Variants in PCDHGA10 observed in about 807,000 individuals in gnomAD.
PCDHGA10 encodes protocadherin gamma-A10.
In PCDHGA10, 42 loss-of-function variants were observed where a neutral mutation model predicts 59.5. The ratio of observed to expected loss-of-function variants is 0.71; its 90% CI spans 0.55 to 0.91. PCDHGA10 has a LOEUF of 0.91. PCDHGA10 is among the 40% of genes least tolerant of loss of function. The pLI is 0.00. For synonymous variants in PCDHGA10, 511 were observed against 517.2 expected, an observed-to-expected ratio of 0.99 and a Z score of 0.16; for missense variants, 1,111 against 1,198.2, an observed-to-expected ratio of 0.93 and a Z score of 1.07.
chr5:141,478,767 C>T (rs953695562), intron 1 of PCDHGA10: 44 of 1,500,650 alleles, frequency 2.9e-5, no homozygotes, highest in Non-Finnish European at 3.9e-5. Context: ...ATACTTGACT[C>T]ATCTGTGGAC....
chr5:141,431,748 G>A lies in PCDHGA10; in HGVS notation c.2436+16137G>A, dbSNP rs759671844. On this transcript the variant is annotated intron_variant, in intron 1 of 3. Coordinates refer to ENST00000398610, the MANE Select transcript of PCDHGA10 (RefSeq NM_018913.3). This position sits in a 1 kb window ranked among gnomAD's most constrained non-coding sequence, Gnocchi z 4.8. ...ATGGATAATGCAGGATATTCTGCGC[G>A]AGCCAAAGTCCTGATCACTGTTCTG... 4 of 1,614,078 alleles carry A rather than the reference G, an allele frequency of 2.5e-6. No individual in the cohort carries two copies. Among genetic ancestry groups the A allele is most frequent in the African/African-American group, 1.3e-5 (1 of 74,934 alleles).
Position 141,413,845 on chromosome 5 carries a change from C to G in PCDHGA10, c.670C>G (p.Pro224Ala). Residue 224 changes from proline (P) to alanine (A), a missense_variant, in exon 1 of 4, where the codon CCT becomes GCT. Transcript: ENST00000398610. ...CCTCACCGCCTCCGACGGGGGTGAC[C>G]CTCTCCGATCTGGCACTGTCCTTGT... ...LVLTASDGGD[P>A]LRSGTVLVSV... 1 of 1,613,242 alleles carries G rather than the reference C, an allele frequency of 6.2e-7. No individual in the cohort carries two copies.
At chr5:141,475,315 A>G (rs766425496) in intron 1 of PCDHGA10, among the ~76,000 whole-genome samples, 2 of 152,182 alleles carry the variant, frequency 1.3e-5, no homozygotes, top group Non-Finnish European at 2.9e-5. Flanking sequence ...CCTGGTTCTT[A>G]AGAAATGAGA....
rs537850909 is a variant in PCDHGA10 at position 141,441,865 on chromosome 5, G to A, written c.2436+26254G>A. ...CTTGGATATGGTGCTGCACGCCGCG[G>A]AGCCTGGCTACCTGGTCACCAAGGT... On this transcript the variant is annotated intron_variant, in intron 1 of 3. Coordinates refer to ENST00000398610, the MANE Select transcript of PCDHGA10 (RefSeq NM_018913.3). The A allele has an allele frequency of 4.0e-4, 138 of 345,718 alleles. 1 individual carries two copies. The Admixed American group carries it at 4.6e-3, about 12-fold the overall frequency. The allele number at this position is 345,718 out of a possible 1,614,324, so 21.4% of individuals were successfully genotyped here. A position where few individuals can be genotyped will look rare whatever the true frequency, so the allele number is the denominator to read the frequency against.
chr5:141,457,270 T>C (rs1338894991), intron 1 of PCDHGA10, among the ~76,000 whole-genome samples: 2 of 152,234 alleles, frequency 1.3e-5, no homozygotes. Flanking sequence ...TTCCCCTCTG[T>C]GGGCCTACGA....
Position 141,510,985 on chromosome 5 carries a change from G to A in PCDHGA10, c.2623G>A (p.Gly875Ser), listed in dbSNP as rs1278517639. Residue 875 changes from glycine to serine, a missense_variant, in exon 4 of 4, where the codon GGC becomes AGC. Transcript: ENST00000398610. ...DGSSTLGGGA[G>S]TMGLSARYGP... ...GAGCTCCACCCTGGGAGGGGGTGCCGGCACCATGGGATTGAGCGCCCGCTA... is the reference window on the plus strand; with the variant it reads ...GAGCTCCACCCTGGGAGGGGGTGCCAGCACCATGGGATTGAGCGCCCGCTA... 19 of 1,614,090 alleles carry A rather than the reference G, an allele frequency of 1.2e-5. No individual in the cohort carries two copies. The highest frequency in any genetic ancestry group is 2.2e-5 in the East Asian group (1 of 44,880).
intron 1 of PCDHGA10, chr5:141,423,243 C>G (rs2096724455): frequency 6.2e-7 from 1 of 1,613,842 alleles, no homozygotes. Flanking sequence ...TCCCCGAAGT[C>G]CTGGCGGACC....
At chr5:141,459,930 T>C (rs1385764489) in intron 1 of PCDHGA10, among the ~76,000 whole-genome samples, 1 of 152,176 alleles carries the variant, frequency 6.6e-6, no homozygotes, top group East Asian at 1.9e-4. Context: ...TATATCCTTG[T>C]AGCTGGGCGT....
rs1561856520 is a variant in PCDHGA10 at position 141,431,983 on chromosome 5, A to C, written c.2436+16372A>C. 3.1e-6 allele frequency: 5 copies of C among 1,614,242 alleles called. No homozygotes were observed. Among genetic ancestry groups the C allele is most frequent in the Non-Finnish European group, 4.2e-6 (5 of 1,180,036 alleles). ...ATTACTATAGTTTAGTCACAGACAT[A>C]GTCTTGGATAGGGAACAGGTTCCTA... On this transcript the variant is annotated intron_variant, in intron 1 of 3. Coordinates refer to ENST00000398610, the MANE Select transcript of PCDHGA10 (RefSeq NM_018913.3). The surrounding 1 kb of genome is among the most constrained non-coding windows in gnomAD (Gnocchi z 4.8).
In PCDHGA10 at chr5:141,512,223, C is replaced by G. The variant is rs1321595614; in HGVS notation, c.*1050C>G. 6.5e-6 allele frequency: 1 copy of G among 152,728 alleles called. No individual in the cohort carries two copies. The highest frequency in any genetic ancestry group is 1.5e-5 in the Non-Finnish European group (1 of 68,110). 9.5% of individuals were successfully genotyped at this position (152,728 alleles called of 1,614,324 possible). ...CTCGAAGCAGGTTTAGGACCAGGTC[C>G]CCTTGAGAGGTCAGAGGGGCCTCTG... On this transcript the variant is annotated 3_prime_UTR_variant, in exon 4 of 4. Transcript: ENST00000398610.
At chr5:141,458,080 C>T (rs62379190) in intron 1 of PCDHGA10, among the ~76,000 whole-genome samples, 5,138 of 152,230 alleles carry the variant, frequency 0.034, 100 homozygotes, top group Middle Eastern at 0.088. Flanking sequence ...ACTATATTGC[C>T]GTAAGTTAAG....
chr5:141,494,677 TGCCCCCTCTTA>T, intron 1 of PCDHGA10, 119 bp from the exon 2 acceptor site: 5 of 1,552,906 alleles, frequency 3.2e-6, no homozygotes, highest in Non-Finnish European at 4.4e-6. Flanking sequence ...AGTCCACCCC[TGCCCCCTCTTA>T]GTCCGTTTTC....
At chr5:141,483,757 C>T (rs895694800) in intron 1 of PCDHGA10, among the ~76,000 whole-genome samples, 1 of 151,984 alleles carries the variant, frequency 6.6e-6, no homozygotes, top group Non-Finnish European at 1.5e-5. Flanking sequence ...AGGATCGAGG[C>T]TTGGAAAAAT....
intron 1 of PCDHGA10, among the ~76,000 whole-genome samples, chr5:141,430,411 C>T (rs879587751): frequency 3.3e-5 from 5 of 150,942 alleles, no homozygotes; most frequent in African/African-American, 1.2e-4. Flanking sequence ...ACTAAAGTTT[C>T]TATTAAAGCG....
At position 141,433,251 on chromosome 5, in the gene PCDHGA10, C is replaced by T. The variant is rs1022165468; in HGVS notation, c.2436+17640C>T. The T allele has an allele frequency of 1.1e-5, 16 of 1,423,126 alleles. No homozygotes were observed. In the East Asian group the frequency reaches 3.7e-4, roughly 33 times the overall value. 88.2% of individuals were successfully genotyped at this position (1,423,126 alleles called of 1,614,324 possible). A position where few individuals can be genotyped will look rare whatever the true frequency, so the allele number is the denominator to read the frequency against. ...CTCTGTCTCCCAAGCTGGAATGCAGCGGTACGATCATAGCTCACTGCAGCC... is the reference window on the plus strand; with the variant it reads ...CTCTGTCTCCCAAGCTGGAATGCAGTGGTACGATCATAGCTCACTGCAGCC... On this transcript the variant is annotated intron_variant, in intron 1 of 3. Transcript: ENST00000398610.
At chr5:141,498,954 A>G (rs1180380627) in intron 2 of PCDHGA10, among the ~76,000 whole-genome samples, 2 of 134,538 alleles carry the variant, frequency 1.5e-5, no homozygotes, top group Non-Finnish European at 3.2e-5. Context: ...AGAAAAAGAG[A>G]GAGAGGGAGG....
At position 141,505,908 on chromosome 5, in the gene PCDHGA10, T is replaced by C. The variant is rs114551975; in HGVS notation, c.2584+427T>C. On this transcript the variant is annotated intron_variant, in intron 3 of 3. Coordinates refer to ENST00000398610, the MANE Select transcript of PCDHGA10 (RefSeq NM_018913.3). ...TTAAATGAGATGATACCACAAAGCATAGAGTTCTGGGCCTGGCGCTTGGAA... is the reference window on the plus strand; with the variant it reads ...TTAAATGAGATGATACCACAAAGCACAGAGTTCTGGGCCTGGCGCTTGGAA... 4.0e-3 allele frequency among the ~76,000 whole-genome samples: 608 copies of C among 152,218 alleles called. 3 individuals are homozygous for C. The highest frequency in any genetic ancestry group is 0.013 in the African/African-American group (551 of 41,540).
At chr5:141,510,795 G>A in intron 3 of PCDHGA10, 152 bp from the exon 4 acceptor site, 6 of 1,465,214 alleles carry the variant, frequency 4.1e-6, no homozygotes, top group Non-Finnish European at 5.5e-6. Context: ...CTTGTGAAGA[G>A]AGACTACCTT....
chr5:141,487,884 A>G lies in PCDHGA10; in HGVS notation c.2437-6923A>G. 1.3e-6 allele frequency: 1 copy of G among 766,716 alleles called. No homozygotes were observed. Among genetic ancestry groups the G allele is most frequent in the Non-Finnish European group, 2.1e-6 (1 of 481,170 alleles). 47.5% of individuals were successfully genotyped at this position (766,716 alleles called of 1,614,324 possible). On this transcript the variant is annotated intron_variant, in intron 1 of 3. Transcript: ENST00000398610. The surrounding 1 kb of genome is among the most constrained non-coding windows in gnomAD (Gnocchi z 5.0). ...GTGATCAAGAGCCAGGCTGTTGTGG[A>G]AGCATGATGATGGAATGTGGGAGCA...
Sources: allele counts gnomAD v4.1 joint callset (sites outside exome capture counted in the v4.1 genomes callset), GRCh38; gene constraint gnomAD v4.1.1; non-coding constraint Gnocchi (gnomAD v3.1); transcripts MANE v1.5; gene names NCBI Gene and HGNC (gene_info 2026-07-23, HGNC 2026-07-21).